The following KIF11 variants were observed in gnomAD, a reference collection of about 807,000 sequenced individuals.
KIF11 encodes kinesin family member 11.
Under a neutral mutation model 121.0 loss-of-function variants are expected in KIF11, and 9 were observed. The observed-to-expected ratio is 0.07, with a 90% CI of 0.04 to 0.13. KIF11 has a LOEUF of 0.13. KIF11 is among the 10% of genes least tolerant of loss of function. The probability of loss-of-function intolerance (pLI) is 1.00; values close to 1 mark genes in which losing one functional copy is unlikely to be tolerated. For missense variants in KIF11, 846 were observed against 1,217.5 expected (o/e 0.69, Z 4.54); for synonymous variants, 408 against 421.0 (o/e 0.97, Z 0.38).
rs116840343 is a variant in KIF11, at chr10:92,633,726, G to A, written c.1806G>A (p.Gln602=). Residue 602 remains glutamine (Q), a synonymous_variant, in exon 14 of 22, where the codon CAG becomes CAA. Coordinates refer to ENST00000260731, the MANE Select transcript of KIF11 (RefSeq NM_004523.4). ...AAAATGTGTCTACTCATGTTTCTCA[G>A]ATTTTTAATATGATACTAAAAGAAC... ...IPENVSTHVS[Q]IFNMILKEQS... is the part of the protein sequence containing the mutation. The A allele has an allele frequency of 2.6e-3, 4,129 of 1,597,400 alleles. 90 individuals are homozygous for A. In the African/African-American group the frequency reaches 0.045, roughly 17 times the overall value.
Position 92,651,502 on chromosome 10 carries a change from A to ATTTTTTTTTTTTTTTTTTT in KIF11, c.3039+989_3039+990insTTTTTTTTTTTTTTTTTTT, listed in dbSNP as rs1343216900. Among the ~76,000 whole-genome samples the ATTTTTTTTTTTTTTTTTTT allele has an allele frequency of 9.3e-5, 2 of 21,554 alleles. 1 individual carries two copies. The highest frequency in any genetic ancestry group is 1.6e-4 in the Non-Finnish European group (2 of 12,352). 14.1% of individuals were successfully genotyped at this position (21,554 alleles called of 152,430 possible). A position where few individuals can be genotyped will look rare whatever the true frequency, so the allele number is the denominator to read the frequency against. The stretch of plus-strand genomic sequence containing the variant: ...AGGCATGTGCCACCATGCCTGGCTA[A>ATTTTTTTTTTTTTTTTTTT]TTTTGTTTTTTTTTTTTTTTTTTTT... On this transcript the variant is annotated intron_variant, in intron 21 of 21. Transcript: ENST00000260731.
chr10:92,599,987 AT>A lies in KIF11; in HGVS notation c.78-6276del, dbSNP rs556928832. ...TTAATTAACTATTGAACTTCTGTTT[AT>A]TATTATTATTATTATTTATTTATTT... On this transcript the variant is annotated intron_variant, in intron 1 of 21. Transcript: ENST00000260731. Among the ~76,000 whole-genome samples, 142 of 110,980 alleles carry A rather than the reference AT, an allele frequency of 1.3e-3. 2 individuals are homozygous for A. The highest frequency in any genetic ancestry group is 5.5e-3 in the African/African-American group (118 of 21,480). 72.8% of individuals were successfully genotyped at this position (110,980 alleles called of 152,430 possible).
At chr10:92,609,759 G>A (rs12250905) in intron 6 of KIF11, among the ~76,000 whole-genome samples, 2 of 151,820 alleles carry the variant, frequency 1.3e-5, no homozygotes, top group African/African-American at 2.4e-5. Flanking sequence ...TTTTTGAGAC[G>A]AATTTTCGCT....
intron 10 of KIF11, among the ~76,000 whole-genome samples, chr10:92,622,279 AT>A (rs1014438591): frequency 4.0e-5 from 6 of 151,730 alleles, no homozygotes; most frequent in African/African-American, 1.2e-4. Context: ...TGTCTCAAAA[AT>A]AAGTAAATAA....
intron 21 of KIF11, 35 bp downstream of exon 21, chr10:92,650,552 G>GT (rs750610160): frequency 1.8e-6 from 2 of 1,112,636 alleles, no homozygotes. Context: ...CACATCTGAT[G>GT]TAAGTCATTC....
At chr10:92,640,010 TTTG>T (rs1844847992) in intron 17 of KIF11, 110 bp downstream of exon 17, 2 of 580,284 alleles carry the variant, frequency 3.4e-6, no homozygotes, top group South Asian at 2.2e-5. Flanking sequence ...AAATTTCTCT[TTTG>T]TTAATATTTT....
rs534084362 is a variant in KIF11 at position 92,608,083 on chromosome 10, A to C, written c.387+846A>C. Among the ~76,000 whole-genome samples, 32 of 151,086 alleles carry C rather than the reference A, an allele frequency of 2.1e-4. No individual in the cohort carries two copies. The South Asian group carries it at 2.3e-3, about 11-fold the overall frequency. On this transcript the variant is annotated intron_variant, in intron 4 of 21. Coordinates refer to ENST00000260731, the MANE Select transcript of KIF11 (RefSeq NM_004523.4). ...CTCTGTCTCAAAAAAAAACAAAAAAACAAAAAACCAAAAAACTAGTTAATT... is the reference window on the plus strand; with the variant it reads ...CTCTGTCTCAAAAAAAAACAAAAAACCAAAAAACCAAAAAACTAGTTAATT...
rs17875345 is a variant in KIF11 at position 92,653,910 on chromosome 10, G to A, written c.*114G>A. On this transcript the variant is annotated 3_prime_UTR_variant, in exon 22 of 22. Transcript: ENST00000260731. ...AAAAGAATATATATATCAGCCGGGC[G>A]CGGTGGCTCATGCCTGTAATCCCAG... 0.037 allele frequency: 34,026 copies of A among 916,814 alleles called. 781 individuals are homozygous for A. Among genetic ancestry groups the A allele is most frequent in the Admixed American group, 0.068 (2,330 of 34,334 alleles). The allele number at this position is 916,814 out of a possible 1,614,324, so 56.8% of individuals were successfully genotyped here.
chr10:92,600,325 C>G (rs1844355117), intron 1 of KIF11, among the ~76,000 whole-genome samples: 1 of 151,778 alleles, frequency 6.6e-6, no homozygotes, highest in Admixed American at 6.6e-5. Context: ...TTTTTTTCAT[C>G]AACTTTTAAG....
chr10:92,606,191 G>A, intron 1 of KIF11, 74 bp from the exon 2 acceptor site: 1 of 1,404,566 alleles, frequency 7.1e-7, no homozygotes, highest in Non-Finnish European at 9.4e-7. Context: ...CTTGACAAAT[G>A]TAGTTAGTGA....
In KIF11 at chr10:92,633,436, G is replaced by A. The variant is rs562852648; in HGVS notation, c.1703-187G>A. On this transcript the variant is annotated intron_variant, in intron 13 of 21. Coordinates refer to ENST00000260731, the MANE Select transcript of KIF11 (RefSeq NM_004523.4). ...CTTACAAATATGTTAAGGGCTTACA[G>A]AGCACTATAGAAAATTGTAATGTAT... Among the ~76,000 whole-genome samples the A allele has an allele frequency of 7.9e-5, 12 of 152,222 alleles. No homozygotes were observed. The South Asian group carries it at 2.3e-3, about 29-fold the overall frequency.
intron 14 of KIF11, among the ~76,000 whole-genome samples, chr10:92,636,487 G>A (rs997139524): frequency 2.6e-5 from 4 of 151,738 alleles, no homozygotes; most frequent in Non-Finnish European, 4.4e-5. Context: ...GTGGTAGCAG[G>A]TGCCTGTAAT....
At chr10:92,629,611 ATTTATT>A (rs1303537048) in intron 11 of KIF11, among the ~76,000 whole-genome samples, 3 of 151,222 alleles carry the variant, frequency 2.0e-5, no homozygotes. Context: ...ACCTTTATTT[ATTTATT>A]TTTAATTATT....
chr10:92,633,109 C>T (rs1844757445), intron 13 of KIF11, among the ~76,000 whole-genome samples: 1 of 151,916 alleles, frequency 6.6e-6, no homozygotes. Context: ...GCTATATTGT[C>T]AGAATATGTT....
intron 21 of KIF11, 62 bp from the exon 22 acceptor site, chr10:92,653,603 G>T (rs1845011716): frequency 6.9e-7 from 1 of 1,453,722 alleles, no homozygotes; most frequent in South Asian, 1.3e-5. Flanking sequence ...AAAATAGAGT[G>T]TAGTTAATGT....
In KIF11 at chr10:92,616,856, A is replaced by G. The variant is rs1273030774; in HGVS notation, c.1128+24A>G. The G allele has an allele frequency of 2.4e-6, 3 of 1,238,204 alleles. No homozygotes were observed. The South Asian group carries it at 3.9e-5, about 16-fold the overall frequency. 76.7% of individuals were successfully genotyped at this position (1,238,204 alleles called of 1,614,324 possible). On this transcript the variant is annotated intron_variant, in intron 9 of 21. Transcript: ENST00000260731. The stretch of plus-strand genomic sequence containing the variant: ...AGGTAACTGTGAATTTTTGTAGAGT[A>G]ATGTAATCTTGTTTGACAAATGTGA...
intron 14 of KIF11, 56 bp from the exon 15 acceptor site, chr10:92,637,128 T>G (rs1844811983): frequency 7.2e-7 from 1 of 1,389,980 alleles, no homozygotes; most frequent in South Asian, 1.3e-5. Context: ...TTTAGAAAGG[T>G]TTACAGAAGT....
In KIF11 at chr10:92,651,279, C is replaced by T. The variant is rs534730107; in HGVS notation, c.3039+762C>T. ...CTGACCTCAAGTTATCTACCCTCCT[C>T]GGCCTCCCAAAGTGCTGGGATTACA... On this transcript the variant is annotated intron_variant, in intron 21 of 21. Transcript: ENST00000260731. Among the ~76,000 whole-genome samples the T allele has an allele frequency of 3.2e-3, 489 of 152,160 alleles. 2 individuals carry two copies. Among genetic ancestry groups the T allele is most frequent in the Middle Eastern group, 0.014 (4 of 294 alleles).
intron 6 of KIF11, 81 bp downstream of exon 6, chr10:92,609,590 G>T: frequency 7.0e-7 from 1 of 1,430,762 alleles, no homozygotes; most frequent in South Asian, 1.4e-5. Context: ...AATTGGGGTG[G>T]GTCAGGGTAT....
Sources: gnomAD v4.1 joint callset for allele counts (sites outside exome capture counted in the v4.1 genomes callset) on GRCh38, gnomAD v4.1.1 for gene constraint, MANE v1.5 for transcripts, NCBI Gene and HGNC (gene_info 2026-07-23, HGNC 2026-07-21) for gene names.